Variants in MRTFA observed in about 807,000 individuals in gnomAD.
MRTFA encodes the protein myocardin-related transcription factor A.
Under a neutral mutation model 83.5 loss-of-function variants are expected in MRTFA, and 20 were observed. The ratio of observed to expected loss-of-function variants is 0.24; its 90% CI spans 0.17 to 0.35. The LOEUF is 0.35. Among genes scored for constraint, MRTFA ranks in the 10% least tolerant of loss-of-function variants. MRTFA has a pLI of 1.00. For missense variants in MRTFA, 1,200 were observed against 1,224.7 expected, an observed-to-expected ratio of 0.98 and a Z score of 0.30; for synonymous variants, 659 against 541.2, an observed-to-expected ratio of 1.22 and a Z score of -3.02.
chr22:40,630,387 G>A (rs2056629591), intron 1 of MRTFA, among the ~76,000 whole-genome samples: 1 of 152,090 alleles, frequency 6.6e-6, no homozygotes, highest in Admixed American at 6.5e-5. Context: ...GTGAGACTCT[G>A]TCTCTTTAAA....
intron 14 of MRTFA, among the ~76,000 whole-genome samples, chr22:40,414,151 C>T (rs1319174149): frequency 2.6e-5 from 4 of 152,212 alleles, no homozygotes; most frequent in African/African-American, 7.2e-5. Flanking sequence ...CCAGCCTGGG[C>T]AACACAGTGA....
chr22:40,605,808 C>G (rs577361842), intron 1 of MRTFA, among the ~76,000 whole-genome samples: 2 of 152,278 alleles, frequency 1.3e-5, no homozygotes, highest in East Asian at 1.9e-4. Flanking sequence ...TGTTTTAATG[C>G]TTACAACCAA....
At chr22:40,629,775 C>CAAA (rs766356425) in intron 1 of MRTFA, among the ~76,000 whole-genome samples, 7 of 40,338 alleles carry the variant, frequency 1.7e-4, no homozygotes, top group Non-Finnish European at 2.7e-4. Context: ...GATTCCATCT[C>CAAA]AAAAAAAAAA....
Position 40,505,902 on chromosome 22 carries a change from A to G in MRTFA, c.242-42616T>C, listed in dbSNP as rs532857707. ...CAGCAGCACAAAATGAACTAAGACA[A>G]TTATAAAGAAAAAGTAGATATAACA... is the stretch of plus-strand genomic sequence containing the variant. On this transcript the variant is annotated intron_variant, in intron 3 of 14. Transcript: ENST00000355630. Among the ~76,000 whole-genome samples, 53 of 152,324 alleles carry G rather than the reference A, an allele frequency of 3.5e-4. No individual in the cohort carries two copies. The South Asian group carries it at 0.011, about 31-fold the overall frequency.
chr22:40,426,799 A>G (rs2052963565), intron 7 of MRTFA, among the ~76,000 whole-genome samples: 1 of 152,194 alleles, frequency 6.6e-6, no homozygotes, highest in African/African-American at 2.4e-5. Context: ...TACACTGTCC[A>G]TTACAGCAGC....
intron 4 of MRTFA, among the ~76,000 whole-genome samples, chr22:40,455,728 T>C (rs1280669159): frequency 7.0e-6 from 1 of 142,404 alleles, no homozygotes; most frequent in Non-Finnish European, 1.5e-5. Flanking sequence ...GGTGTCGGGG[T>C]GGCAGAGGAT....
chr22:40,553,785 C>T (rs974583612), intron 2 of MRTFA, among the ~76,000 whole-genome samples: 2 of 152,148 alleles, frequency 1.3e-5, no homozygotes, highest in Non-Finnish European at 2.9e-5. Flanking sequence ...CCTCCAGACC[C>T]CAGAATGGTA....
chr22:40,636,570 G>A lies in MRTFA; in HGVS notation c.-176C>T, dbSNP rs2056703987. 6.6e-6 allele frequency: 1 copy of A among 152,322 alleles called. No individual in the cohort carries two copies. Among genetic ancestry groups the A allele is most frequent in the South Asian group, 2.1e-4 (1 of 4,838 alleles). 9.4% of individuals were successfully genotyped at this position (152,322 alleles called of 1,614,324 possible). A position where few individuals can be genotyped will look rare whatever the true frequency, so the allele number is the denominator to read the frequency against. On this transcript the variant is annotated 5_prime_UTR_variant, in exon 1 of 15. Coordinates refer to ENST00000355630, the MANE Select transcript of MRTFA (RefSeq NM_020831.6). ...TCTCGAGGCTCACTGTCCAGCCCGGGCGCACGGAGCTGAGAAGTCGCCGCC... is the reference window on the plus strand; with the variant it reads ...TCTCGAGGCTCACTGTCCAGCCCGGACGCACGGAGCTGAGAAGTCGCCGCC...
chr22:40,418,787 G>T lies in MRTFA; in HGVS notation c.1951C>A (p.Leu651Ile), dbSNP rs1356919463. 6.3e-7 allele frequency: 1 copy of T among 1,586,366 alleles called. No homozygotes were observed. Among genetic ancestry groups the T allele is most frequent in the South Asian group, 1.1e-5 (1 of 88,516 alleles). The change falls in exon 12 of 15, where the codon CTC becomes ATC. Residue 651 changes from leucine (L) to isoleucine (I), a missense_variant. By Grantham distance (5) the Leu-to-Ile change is conservative. Transcript: ENST00000355630. The stretch of plus-strand genomic sequence containing the variant: ...TTCTCCTGCTCCAGCTGCAGCTTGA[G>T]CCGCTCCACCAGCTGCTGCTTCTGC...
intron 3 of MRTFA, among the ~76,000 whole-genome samples, chr22:40,474,443 G>A (rs12159800): frequency 0.039 from 5,877 of 152,274 alleles, 309 homozygotes; most frequent in Middle Eastern, 0.12. Flanking sequence ...TTCAGGGGAA[G>A]TCATAAAAAC....
chr22:40,533,823 G>A lies in MRTFA; in HGVS notation c.241+18283C>T, dbSNP rs1602395622. 3.3e-5 allele frequency: 13 copies of A among 393,766 alleles called. No individual in the cohort carries two copies. In the East Asian group the frequency reaches 4.3e-4, roughly 13 times the overall value. The allele number at this position is 393,766 out of a possible 1,614,324, so 24.4% of individuals were successfully genotyped here. On this transcript the variant is annotated intron_variant, in intron 3 of 14. Coordinates refer to ENST00000355630, the MANE Select transcript of MRTFA (RefSeq NM_020831.6). ...CCTTCAGGCGAGTCAAGATGACACAGATTTGAATTACTGCCGACAGGAAAC... is the reference window on the plus strand; with the variant it reads ...CCTTCAGGCGAGTCAAGATGACACAAATTTGAATTACTGCCGACAGGAAAC...
chr22:40,513,943 T>C (rs2054711640), intron 3 of MRTFA, among the ~76,000 whole-genome samples: 1 of 150,818 alleles, frequency 6.6e-6, no homozygotes, highest in Admixed American at 6.6e-5. Flanking sequence ...GTTAAAGTAA[T>C]AATTTTTTTT....
At chr22:40,464,326 A>AAAAAAAC (rs2053776616) in intron 3 of MRTFA, among the ~76,000 whole-genome samples, 1 of 150,836 alleles carries the variant, frequency 6.6e-6, no homozygotes. Flanking sequence ...AAAAAAAAAA[A>AAAAAAAC]AAAAAACAAC....
At chr22:40,437,158 T>C (rs1035411131) in intron 4 of MRTFA, among the ~76,000 whole-genome samples, 1 of 152,152 alleles carries the variant, frequency 6.6e-6, no homozygotes, top group African/African-American at 2.4e-5. Flanking sequence ...CTCCCCAACC[T>C]ACCTGGGCAC....
chr22:40,617,798 C>T (rs568692842), intron 1 of MRTFA, among the ~76,000 whole-genome samples: 4 of 151,354 alleles, frequency 2.6e-5, no homozygotes, highest in Non-Finnish European at 5.9e-5. Flanking sequence ...TACAAAAAAT[C>T]AACTATGTCA....
At chr22:40,519,069 T>C (rs1356045539) in intron 3 of MRTFA, among the ~76,000 whole-genome samples, 3 of 151,190 alleles carry the variant, frequency 2.0e-5, no homozygotes, top group African/African-American at 7.3e-5. Context: ...CAGAGTGTAG[T>C]GGCAGGATCT....
At chr22:40,592,590 G>A (rs2056137836) in intron 2 of MRTFA, among the ~76,000 whole-genome samples, 1 of 150,960 alleles carries the variant, frequency 6.6e-6, no homozygotes, top group African/African-American at 2.4e-5. Flanking sequence ...CCAGGCTCAA[G>A]CAATCCTCCC....
chr22:40,500,703 G>C (rs995140987), intron 3 of MRTFA, among the ~76,000 whole-genome samples: 1 of 150,600 alleles, frequency 6.6e-6, no homozygotes, highest in Non-Finnish European at 1.5e-5. Flanking sequence ...AGAGCACCGG[G>C]TTGGGGGTAA....
intron 11 of MRTFA, among the ~76,000 whole-genome samples, chr22:40,419,924 C>A (rs879866554): frequency 1.3e-4 from 20 of 152,190 alleles, no homozygotes; most frequent in Non-Finnish European, 1.9e-4. Context: ...AGACACTGCA[C>A]CTGAACGGCA....
Sources: allele counts gnomAD v4.1 joint callset (sites outside exome capture counted in the v4.1 genomes callset), GRCh38; gene constraint gnomAD v4.1.1; transcripts MANE v1.5; gene names NCBI Gene and HGNC (gene_info 2026-07-23, HGNC 2026-07-21).